RPS15: variants seen among roughly 807,000 people sequenced by gnomAD.
The protein encoded by RPS15 is small ribosomal subunit protein uS19.
A neutral mutation model predicts 14.9 loss-of-function variants in RPS15; 5 were observed. The ratio of observed to expected loss-of-function variants is 0.34; its 90% CI spans 0.18 to 0.70. The LOEUF is 0.70. RPS15 is among the 30% of genes least tolerant of loss of function. The probability of loss-of-function intolerance (pLI) is 0.65; values close to 1 mark genes in which losing one functional copy is unlikely to be tolerated. For missense variants in RPS15, 102 were observed against 204.2 expected, an observed-to-expected ratio of 0.50 and a Z score of 3.05; for synonymous variants, 103 against 85.0, an observed-to-expected ratio of 1.21 and a Z score of -1.16.
intron 2 of RPS15, chr19:1,439,094 C>G (rs1190385219): frequency 1.1e-5 from 6 of 553,112 alleles, no homozygotes; most frequent in East Asian, 9.6e-5. Flanking sequence ...AACCTGCCCC[C>G]CGTTGTTCAC....
chr19:1,439,809 G>A, intron 2 of RPS15: 1 of 629,732 alleles, frequency 1.6e-6, no homozygotes, highest in Non-Finnish European at 2.9e-6. Flanking sequence ...GTCACACGGT[G>A]GCTCTTGCAT....
At chr19:1,439,612 C>G (rs1379159326) in intron 2 of RPS15, 1 of 480,396 alleles carries the variant, frequency 2.1e-6, no homozygotes, top group East Asian at 3.7e-5. Context: ...CCAGGTTGGT[C>G]TTGAACTCCT....
intron 3 of RPS15, 34 bp downstream of exon 3, chr19:1,440,287 C>A: frequency 6.2e-7 from 1 of 1,611,582 alleles, no homozygotes; most frequent in Non-Finnish European, 8.5e-7. Context: ...CTGGGGTGGG[C>A]TGGGGTCGCC....
chr19:1,438,446 G>A lies in RPS15; in HGVS notation c.3+18G>A, dbSNP rs1244205226. ...GCAAGATGGTGAGTGTTGCGATTTG[G>A]CGCGTCTCTGCCGGGCCTATCCGGC... is the stretch of plus-strand genomic sequence containing the variant. On this transcript the variant is annotated intron_variant, in intron 1 of 3. Coordinates refer to ENST00000592588, the MANE Select transcript of RPS15 (RefSeq NM_001018.5). This position sits in a 1 kb window ranked among gnomAD's most constrained non-coding sequence, Gnocchi z 4.8. 1 of 1,613,414 alleles carries A rather than the reference G, an allele frequency of 6.2e-7. No individual in the cohort carries two copies. Among genetic ancestry groups the A allele is most frequent in the Non-Finnish European group, 8.5e-7 (1 of 1,179,896 alleles).
At chr19:1,439,915 C>T (rs1301948135) in intron 2 of RPS15, 104 bp from the exon 3 acceptor site, 11 of 949,910 alleles carry the variant, frequency 1.2e-5, no homozygotes, top group Admixed American at 2.0e-5. Context: ...TCCACTGCGG[C>T]TCTGTCCCTG....
Position 1,438,624 on chromosome 19 carries a change from C to T in RPS15, c.4-183C>T, listed in dbSNP as rs1226652267. The T allele has an allele frequency of 1.6e-5, 24 of 1,533,416 alleles. No individual in the cohort carries two copies. Among genetic ancestry groups the T allele is most frequent in the Non-Finnish European group, 1.8e-5 (20 of 1,136,098 alleles). 95.0% of individuals were successfully genotyped at this position (1,533,416 alleles called of 1,614,324 possible). The stretch of plus-strand genomic sequence containing the variant: ...CGGGGCTGGGAAGGCCTGTCCGGGC[C>T]TTCATGTCCGGGTCCTCGTAACCCG... On this transcript the variant is annotated intron_variant, in intron 1 of 3. Coordinates refer to ENST00000592588, the MANE Select transcript of RPS15 (RefSeq NM_001018.5). The surrounding 1 kb of genome is among the most constrained non-coding windows in gnomAD (Gnocchi z 4.8).
rs534942408 is a variant in RPS15 at position 1,438,695 on chromosome 19, G to A, written c.4-112G>A. The A allele has an allele frequency of 1.9e-4, 295 of 1,534,630 alleles. 1 individual carries two copies. The highest frequency in any genetic ancestry group is 4.5e-4 in the Middle Eastern group (2 of 4,438). ...GGACGGGTCGAAGCGGTGTGTCCCT[G>A]TCGGGCTTCTGTCCCCGGCGGCGCC... On this transcript the variant is annotated intron_variant, in intron 1 of 3. Coordinates refer to ENST00000592588, the MANE Select transcript of RPS15 (RefSeq NM_001018.5). This position sits in a 1 kb window ranked among gnomAD's most constrained non-coding sequence, Gnocchi z 4.8.
At chr19:1,439,561 G>A (rs936223435) in intron 2 of RPS15, 2 of 315,102 alleles carry the variant, frequency 6.3e-6, no homozygotes, top group East Asian at 7.0e-5. Context: ...GCCCGACCTT[G>A]ATTTTTGATT....
In RPS15 at chr19:1,438,614, C is replaced by A; in HGVS notation, c.3+186C>A. 5 of 1,535,650 alleles carry A rather than the reference C, an allele frequency of 3.3e-6. No homozygotes were observed. Among genetic ancestry groups the A allele is most frequent in the Non-Finnish European group, 4.4e-6 (5 of 1,137,708 alleles). ...CGGGACGACGCGGGGCTGGGAAGGC[C>A]TGTCCGGGCCTTCATGTCCGGGTCC... On this transcript the variant is annotated intron_variant, in intron 1 of 3. Transcript: ENST00000592588. The surrounding 1 kb of genome is among the most constrained non-coding windows in gnomAD (Gnocchi z 4.8).
In RPS15 at chr19:1,438,489, C is replaced by A. The variant is rs1185295155; in HGVS notation, c.3+61C>A. 1 of 1,612,446 alleles carries A rather than the reference C, an allele frequency of 6.2e-7. No homozygotes were observed. Among genetic ancestry groups the A allele is most frequent in the East Asian group, 2.2e-5 (1 of 44,826 alleles). ...TATCCGGCTCCATCCAACCTCTGACCGTCTCGCGGGGGCCGCAGTTCGTCC... is the reference window on the plus strand; with the variant it reads ...TATCCGGCTCCATCCAACCTCTGACAGTCTCGCGGGGGCCGCAGTTCGTCC... On this transcript the variant is annotated intron_variant, in intron 1 of 3. Coordinates refer to ENST00000592588, the MANE Select transcript of RPS15 (RefSeq NM_001018.5). The surrounding 1 kb of genome is among the most constrained non-coding windows in gnomAD (Gnocchi z 4.8).
At chr19:1,439,917 C>G in intron 2 of RPS15, 102 bp from the exon 3 acceptor site, 1 of 972,474 alleles carries the variant, frequency 1.0e-6, no homozygotes, top group East Asian at 2.6e-5. Flanking sequence ...CACTGCGGCT[C>G]TGTCCCTGGA....
chr19:1,438,468 CG>C lies in RPS15; in HGVS notation c.3+42del. 6.2e-7 allele frequency: 1 copy of C among 1,613,198 alleles called. No homozygotes were observed. Among genetic ancestry groups the C allele is most frequent in the Non-Finnish European group, 8.5e-7 (1 of 1,179,870 alleles). On this transcript the variant is annotated intron_variant, in intron 1 of 3. Transcript: ENST00000592588. This position sits in a 1 kb window ranked among gnomAD's most constrained non-coding sequence, Gnocchi z 4.8. ...TTGGCGCGTCTCTGCCGGGCCTATC[CG>C]GCTCCATCCAACCTCTGACCGTCTC...
Position 1,438,822 on chromosome 19 carries a change from A to C in RPS15, c.19A>C (p.Lys7Gln). The C allele has an allele frequency of 6.3e-7, 1 of 1,595,384 alleles. No homozygotes were observed. Among genetic ancestry groups the C allele is most frequent in the Non-Finnish European group, 8.5e-7 (1 of 1,171,880 alleles). Residue 7 changes from lysine (K) to glutamine (Q), a missense_variant, in exon 2 of 4, where the codon AAG becomes CAG. Lys to Gln is a moderately conservative substitution (Grantham distance 53, BLOSUM62 1). Transcript: ENST00000592588. The surrounding 1 kb of genome is among the most constrained non-coding windows in gnomAD (Gnocchi z 4.8). Reference protein sequence around the residue: MAEVEQKKKRTFRKFTY... With the variant: MAEVEQQKKRTFRKFTY... ...GCCCGCACAGGCAGAAGTAGAGCAG[A>C]AGAAGAAGCGGACCTTCCGCAAGTT...
chr19:1,439,560 T>G, intron 2 of RPS15: 1 of 304,298 alleles, frequency 3.3e-6, no homozygotes. Flanking sequence ...CGCCCGACCT[T>G]GATTTTTGAT....
chr19:1,439,917 C>T (rs1233620559), intron 2 of RPS15, 102 bp from the exon 3 acceptor site: 2 of 972,474 alleles, frequency 2.1e-6, no homozygotes, highest in Non-Finnish European at 1.6e-6. Context: ...CACTGCGGCT[C>T]TGTCCCTGGA....
rs758665755 is a variant in RPS15, at chr19:1,438,499, G to C, written c.3+71G>C. 1 of 1,611,620 alleles carries C rather than the reference G, an allele frequency of 6.2e-7. No individual in the cohort carries two copies. The highest frequency in any genetic ancestry group is 1.1e-5 in the South Asian group (1 of 90,840). On this transcript the variant is annotated intron_variant, in intron 1 of 3. Transcript: ENST00000592588. The surrounding 1 kb of genome is among the most constrained non-coding windows in gnomAD (Gnocchi z 4.8). ...CATCCAACCTCTGACCGTCTCGCGG[G>C]GGCCGCAGTTCGTCCCCGCGGCTAC...
rs981645755 is a variant in RPS15, at chr19:1,440,235, C to T, written c.306C>T (p.Phe102=). 19 of 1,612,910 alleles carry T rather than the reference C, an allele frequency of 1.2e-5. No homozygotes were observed. Among genetic ancestry groups the T allele is most frequent in the Non-Finnish European group, 1.4e-5 (17 of 1,179,734 alleles). The change falls in exon 3 of 4, where the codon TTC becomes TTT. Residue 102 remains phenylalanine, a synonymous_variant. Coordinates refer to ENST00000592588, the MANE Select transcript of RPS15 (RefSeq NM_001018.5). ...TGGGCGTCTACAACGGCAAGACCTTCAACCAGGTGGAGATCAAGGTGTGTG... is the reference window on the plus strand; with the variant it reads ...TGGGCGTCTACAACGGCAAGACCTTTAACCAGGTGGAGATCAAGGTGTGTG... The part of the protein sequence containing the change: ...SMVGVYNGKT[F]NQVEIKPEMI...
At chr19:1,439,338 C>G (rs1486232879) in intron 2 of RPS15, 2 of 178,202 alleles carry the variant, frequency 1.1e-5, no homozygotes, top group African/African-American at 4.8e-5. Context: ...TCCCAGCTCA[C>G]TGCAGCCTCC....
rs532256746 is a variant in RPS15, at chr19:1,438,814, T to A, written c.11T>A (p.Val4Glu). The change falls in exon 2 of 4, where the codon GTA (valine) becomes GAA (glutamate). Residue 4 changes from valine to glutamate, a missense_variant. Around this residue, in one of 2 missense-constraint regions of RPS15, gnomAD observed 70 missense variants for 96.8 expected, o/e 0.72. Coordinates refer to ENST00000592588, the MANE Select transcript of RPS15 (RefSeq NM_001018.5). This position sits in a 1 kb window ranked among gnomAD's most constrained non-coding sequence, Gnocchi z 4.8. ...CGATCCGCGCCCGCACAGGCAGAAG[T>A]AGAGCAGAAGAAGAAGCGGACCTTC... MAE[V>E]EQKKKRTFRK... The A allele has an allele frequency of 1.3e-6, 2 of 1,593,130 alleles. No homozygotes were observed. The highest frequency in any genetic ancestry group is 1.7e-6 in the Non-Finnish European group (2 of 1,170,768).
Sources: gnomAD v4.1 joint callset for allele counts on GRCh38, gnomAD v4.1.1 for gene constraint, gnomAD v4.1.1 regional missense constraint, Gnocchi (gnomAD v3.1) non-coding constraint, MANE v1.5 for transcripts, NCBI Gene and HGNC (gene_info 2026-07-23, HGNC 2026-07-21) for gene names.